MAFF: variants seen among roughly 807,000 people sequenced by gnomAD.
MAFF encodes transcription factor MafF.
Under a neutral mutation model 2.7 loss-of-function variants are expected in MAFF, and 4 were observed. That is an observed-to-expected ratio of 1.48 (90% confidence interval 0.73 to 3.39). The LOEUF is 3.39. MAFF is among the 30% of genes most tolerant of loss of function. MAFF has a pLI of 0.01. For missense variants in MAFF, 190 were observed against 246.6 expected, an observed-to-expected ratio of 0.77 and a Z score of 1.54; for synonymous variants, 113 against 119.4, an observed-to-expected ratio of 0.95 and a Z score of 0.35.
chr22:38,206,409 T>G (rs1209703500), intron 1 of MAFF, among the ~76,000 whole-genome samples: 1 of 149,592 alleles, frequency 6.7e-6, no homozygotes, highest in Non-Finnish European at 1.5e-5. Flanking sequence ...TGGCTTGTTC[T>G]CAGCTCACTG....
At position 38,214,527 on chromosome 22, in the gene MAFF, G is replaced by A. The variant is rs761751184; in HGVS notation, c.144G>A (p.Glu48=). 1.2e-6 allele frequency: 2 copies of A among 1,610,522 alleles called. No homozygotes were observed. Among genetic ancestry groups the A allele is most frequent in the East Asian group, 2.2e-5 (1 of 44,854 alleles). The change falls in exon 3 of 3, where the codon GAG becomes GAA. Residue 48 remains glutamate (E), a synonymous_variant. Transcript: ENST00000338483. This position sits in a 1 kb window ranked among gnomAD's most constrained non-coding sequence, Gnocchi z 6.3. ...NRHLRGLSAE[E]VTRLKQRRRT... ...ATCTGCGCGGGCTCTCCGCCGAGGA[G>A]GTGACACGGCTCAAGCAGCGGCGCC...
chr22:38,208,779 A>T (rs2091073131), intron 1 of MAFF, among the ~76,000 whole-genome samples: 2 of 152,084 alleles, frequency 1.3e-5, no homozygotes, highest in Admixed American at 6.6e-5. Flanking sequence ...GGAGGAGGAG[A>T]TGTCTGCACC....
At chr22:38,211,560 T>C (rs770342810) in intron 1 of MAFF, among the ~76,000 whole-genome samples, 1 of 152,090 alleles carries the variant, frequency 6.6e-6, no homozygotes, top group Non-Finnish European at 1.5e-5. Context: ...TTGTGGGCCA[T>C]GGTGACAACT....
chr22:38,205,594 C>T (rs953532129), intron 1 of MAFF: 6 of 152,202 alleles, frequency 3.9e-5, no homozygotes, highest in Non-Finnish European at 8.8e-5. Flanking sequence ...CAAGAGTCAC[C>T]TCTCTCCTTA....
rs76165778 is a variant in MAFF, at chr22:38,215,038, C to A, written c.*160C>A. ...GGGCCCTGTCTTCCTCTTGCAGCCC[C>A]CCAAACTGGGACCGAATGACCCTGG... On this transcript the variant is annotated 3_prime_UTR_variant, in exon 3 of 3. Transcript: ENST00000338483. The A allele has an allele frequency of 0.02, 12,272 of 629,276 alleles. 463 individuals are homozygous for A. Among genetic ancestry groups the A allele is most frequent in the East Asian group, 0.11 (3,232 of 28,606 alleles). The allele number at this position is 629,276 out of a possible 1,614,324, so 39.0% of individuals were successfully genotyped here.
chr22:38,206,902 T>C (rs1257910422), intron 1 of MAFF, among the ~76,000 whole-genome samples: 1 of 152,078 alleles, frequency 6.6e-6, no homozygotes, highest in Non-Finnish European at 1.5e-5. Context: ...AAACGGCTGG[T>C]AAGGGGGCCT....
At chr22:38,205,919 TC>T (rs1297535583) in intron 1 of MAFF, among the ~76,000 whole-genome samples, 1 of 152,168 alleles carries the variant, frequency 6.6e-6, no homozygotes, top group Admixed American at 6.5e-5. Flanking sequence ...CTTGTGACTT[TC>T]CCCCTGTGAT....
At chr22:38,209,813 C>CAAAAAAAAA (rs398037113) in intron 1 of MAFF, among the ~76,000 whole-genome samples, 1 of 76,460 alleles carries the variant, frequency 1.3e-5, no homozygotes, top group Non-Finnish European at 2.4e-5. Flanking sequence ...GACTCCATCT[C>CAAAAAAAAA]AAAAAAAAAA....
intron 1 of MAFF, chr22:38,205,804 C>T (rs2091047032): frequency 6.6e-6 from 1 of 152,252 alleles, no homozygotes; most frequent in South Asian, 2.1e-4. Flanking sequence ...ATTTCTCAGG[C>T]CCAGGGTCAG....
chr22:38,204,566 AAGG>A (rs1230141039), intron 1 of MAFF, among the ~76,000 whole-genome samples: 6 of 152,136 alleles, frequency 3.9e-5, no homozygotes, highest in African/African-American at 9.7e-5. Flanking sequence ...CATGGAGAAA[AAGG>A]CCTGGGAACC....
chr22:38,214,448 C>T lies in MAFF; in HGVS notation c.65C>T (p.Pro22Leu). 5 of 1,606,454 alleles carry T rather than the reference C, an allele frequency of 3.1e-6. No individual in the cohort carries two copies. The highest frequency in any genetic ancestry group is 2.5e-6 in the Non-Finnish European group (3 of 1,177,300). ...KIKRELSENT[P>L]HLSDEALMGL... ...AAGCGAGAGCTGAGCGAGAACACGC[C>T]GCACCTGTCGGACGAGGCGCTGATG... The change falls in exon 3 of 3, where the codon CCG becomes CTG. Residue 22 changes from proline to leucine, a missense_variant. Transcript: ENST00000338483. This position sits in a 1 kb window ranked among gnomAD's most constrained non-coding sequence, Gnocchi z 6.3.
chr22:38,213,858 C>A lies in MAFF; in HGVS notation c.5C>A (p.Ser2Tyr). The A allele has an allele frequency of 6.2e-7, 1 of 1,614,216 alleles. No homozygotes were observed. The highest frequency in any genetic ancestry group is 1.1e-5 in the South Asian group (1 of 91,086). The part of the protein sequence containing the change: M[S>Y]VDPLSSKALK... Reference sequence around the variant, plus strand: ...CAGAGGGCACCTTCTGCAAACATGTCTGTGGATCCCCTATCCAGCAAAGCT... The same window carrying A: ...CAGAGGGCACCTTCTGCAAACATGTATGTGGATCCCCTATCCAGCAAAGCT... Residue 2 changes from serine (S) to tyrosine (Y), a missense_variant, in exon 2 of 3, where the codon TCT becomes TAT. Coordinates refer to ENST00000338483, the MANE Select transcript of MAFF (RefSeq NM_012323.4).
intron 1 of MAFF, among the ~76,000 whole-genome samples, chr22:38,209,838 GA>G (rs1203453459): frequency 2.8e-4 from 39 of 138,310 alleles, no homozygotes; most frequent in African/African-American, 5.7e-4. Context: ...AAAAAAAAGG[GA>G]AAAAAAAAAG....
intron 1 of MAFF, among the ~76,000 whole-genome samples, chr22:38,211,415 C>T (rs148631853): frequency 0.014 from 2,120 of 152,066 alleles, 55 homozygotes; most frequent in African/African-American, 0.048. Context: ...TTAGTAGAGA[C>T]GGGGTTTCAC....
At chr22:38,211,230 C>CTTTTTTTTTTTTTT (rs61328776) in intron 1 of MAFF, among the ~76,000 whole-genome samples, 6 of 139,960 alleles carry the variant, frequency 4.3e-5, no homozygotes, top group Admixed American at 1.4e-4. Flanking sequence ...GGAGCACTTT[C>CTTTTTTTTTTTTTT]TTTTTTTTTT....
At chr22:38,210,623 A>AGTGTGTGTGTGTGTGTGTGTGTGT (rs71195095) in intron 1 of MAFF, among the ~76,000 whole-genome samples, 53 of 132,910 alleles carry the variant, frequency 4.0e-4, no homozygotes, top group Non-Finnish European at 6.2e-4. Context: ...GGACACAGGG[A>AGTGTGTGTGTGTGTGTGTGTGTGT]GTGTGTGTGT....
intron 1 of MAFF, among the ~76,000 whole-genome samples, chr22:38,207,113 CTATTATTAT>C (rs902671564): frequency 6.6e-6 from 1 of 151,682 alleles, no homozygotes; most frequent in African/African-American, 2.4e-5. Flanking sequence ...GGCCTGAATT[CTATTATTAT>C]TATTATTATT....
At chr22:38,212,061 G>A (rs1036488485) in intron 1 of MAFF, among the ~76,000 whole-genome samples, 2 of 152,036 alleles carry the variant, frequency 1.3e-5, no homozygotes, top group Admixed American at 1.3e-4. Flanking sequence ...GTGCAGTGGC[G>A]CAATCTCGGC....
At chr22:38,209,196 C>G (rs1008467593) in intron 1 of MAFF, among the ~76,000 whole-genome samples, 1 of 151,998 alleles carries the variant, frequency 6.6e-6, no homozygotes, top group Non-Finnish European at 1.5e-5. Flanking sequence ...CTCCTGATAG[C>G]TGGGACTACA....
Sources: allele counts gnomAD v4.1 joint callset (sites outside exome capture counted in the v4.1 genomes callset), GRCh38; gene constraint gnomAD v4.1.1; non-coding constraint Gnocchi (gnomAD v3.1); transcripts MANE v1.5; gene names NCBI Gene and HGNC (gene_info 2026-07-23, HGNC 2026-07-21).